ARHGEF40: variants seen among roughly 807,000 people sequenced by gnomAD.
ARHGEF40 encodes Rho guanine nucleotide exchange factor 40.
A neutral mutation model predicts 165.9 loss-of-function variants in ARHGEF40; 98 were observed. The ratio of observed to expected loss-of-function variants is 0.59; its 90% confidence interval spans 0.50 to 0.70. The LOEUF (loss-of-function observed/expected upper bound fraction) is 0.70, where lower values mean the gene tolerates loss of function less well. Ranked by LOEUF, ARHGEF40 falls within the 30% of genes least tolerant of loss-of-function variation. The pLI is 0.00. For synonymous variants in ARHGEF40, 792 were observed against 814.3 expected, an observed-to-expected ratio of 0.97 and a Z score of 0.47; for missense variants, 1,815 against 1,968.0, an observed-to-expected ratio of 0.92 and a Z score of 1.47.
chr14:21,071,058 G>C (rs1047105624), intron 1 of ARHGEF40, among the ~76,000 whole-genome samples: 1 of 152,174 alleles, frequency 6.6e-6, no homozygotes, highest in African/African-American at 2.4e-5. Flanking sequence ...AGTTTGCGGA[G>C]GAGGAAAGTG....
At chr14:21,071,406 C>G (rs546187551) in intron 1 of ARHGEF40, among the ~76,000 whole-genome samples, 1 of 152,172 alleles carries the variant, frequency 6.6e-6, no homozygotes, top group East Asian at 1.9e-4. Flanking sequence ...GAGCTCACCG[C>G]AGGGAGTGGA....
At chr14:21,084,972 C>T in intron 18 of ARHGEF40, 49 bp downstream of exon 18, 1 of 1,587,064 alleles carries the variant, frequency 6.3e-7, no homozygotes, top group East Asian at 2.2e-5. Context: ...TCATTCTCTT[C>T]TTGAGAACTC....
chr14:21,089,013 G>A lies in ARHGEF40; in HGVS notation c.*6-1G>A. The A allele has an allele frequency of 1.1e-6, 1 of 886,064 alleles. No individual in the cohort carries two copies. Among genetic ancestry groups the A allele is most frequent in the South Asian group, 1.8e-5 (1 of 56,846 alleles). 54.9% of individuals were successfully genotyped at this position (886,064 alleles called of 1,614,324 possible). A position where few individuals can be genotyped will look rare whatever the true frequency, so the allele number is the denominator to read the frequency against. ...TCTCCCTCTTCTCTCCTGGCTTCTA[G>A]AGAAGATCCAGAACTTGCGTGCAGC... On this transcript the variant is annotated splice_acceptor_variant, in intron 23 of 23. Transcript: ENST00000298694. LOFTEE classifies it low-confidence loss of function (3UTR_SPLICE).
upstream of ARHGEF40, among the ~76,000 whole-genome samples, chr14:21,066,320 T>G (rs10151973): frequency 1.3e-4 from 18 of 143,170 alleles, no homozygotes; most frequent in African/African-American, 4.3e-4. Context: ...GGTTGTGTTT[T>G]TTTTGTTTTT....
In ARHGEF40 at chr14:21,088,858, C is replaced by T; in HGVS notation, c.4547C>T (p.Thr1516Ile). The change falls in exon 23 of 24, where the codon ACC becomes ATC. Residue 1516 changes from threonine to isoleucine, a missense_variant. Coordinates refer to ENST00000298694, the MANE Select transcript of ARHGEF40 (RefSeq NM_018071.5). ...CATGCTCGAGCCCTGAGTGACCCCA[C>T]CACGCCTCTGTGACCTGGGTGAGTC... The part of the protein sequence containing the change: ...QSHARALSDP[T>I]TPL 6.2e-7 allele frequency: 1 copy of T among 1,613,326 alleles called. No homozygotes were observed. The highest frequency in any genetic ancestry group is 8.5e-7 in the Non-Finnish European group (1 of 1,179,462).
intron 20 of ARHGEF40, 86 bp from the exon 21 acceptor site, chr14:21,087,234 C>T: frequency 1.3e-6 from 2 of 1,578,422 alleles, no homozygotes; most frequent in African/African-American, 1.3e-5. Flanking sequence ...GGCTGGGAGG[C>T]CCTCTGTGAG....
At chr14:21,061,480 A>G in the ARHGEF40 span, among the ~76,000 whole-genome samples, 2 of 152,134 alleles carry the variant, frequency 1.3e-5, no homozygotes, top group African/African-American at 2.4e-5. Flanking sequence ...CTCTGAGGGT[A>G]ATGACACAGC....
chr14:21,062,138 A>G, the ARHGEF40 span, among the ~76,000 whole-genome samples: 865 of 152,374 alleles, frequency 5.7e-3, 4 homozygotes, highest in Non-Finnish European at 5.8e-3. Flanking sequence ...CATAGGAAAC[A>G]TAAGTGTTAA....
the ARHGEF40 span, among the ~76,000 whole-genome samples, chr14:21,063,153 A>T: frequency 6.6e-6 from 1 of 151,936 alleles, no homozygotes; most frequent in Non-Finnish European, 1.5e-5. Context: ...AAGCAAAAAC[A>T]AAAAACGGAT....
rs778461769 is a variant in ARHGEF40, at chr14:21,081,920, G to C, written c.3052G>C (p.Glu1018Gln). 6.8e-6 allele frequency: 11 copies of C among 1,612,986 alleles called. No homozygotes were observed. The South Asian group carries it at 1.2e-4, about 18-fold the overall frequency. The change falls in exon 14 of 24, where the codon GAA becomes CAA. Residue 1018 changes from glutamate to glutamine, a missense_variant. Physicochemically the swap from Glu to Gln is conservative, Grantham distance 29 (BLOSUM62 2). Coordinates refer to ENST00000298694, the MANE Select transcript of ARHGEF40 (RefSeq NM_018071.5). ...GGCCCCATGTGGAGAGGACTATGAG[G>C]AAGAGGGCCCTGAGCTGGCTCCAGA... The part of the protein sequence containing the change: ...SLAPCGEDYE[E>Q]EGPELAPEAE...
chr14:21,080,724 C>A lies in ARHGEF40; in HGVS notation c.2438C>A (p.Thr813Asn). The part of the protein sequence containing the change: ...QLASFAMPGD[T>N]LSALQETELR... The stretch of plus-strand genomic sequence containing the variant: ...GCAAGCTTTGCTATGCCTGGGGACA[C>A]CTTGTCTGCCCTGCAGGAGACAGAG... The change falls in exon 12 of 24, where the codon ACC becomes AAC. Residue 813 changes from threonine (T) to asparagine (N), a missense_variant. Coordinates refer to ENST00000298694, the MANE Select transcript of ARHGEF40 (RefSeq NM_018071.5). 1 of 1,612,086 alleles carries A rather than the reference C, an allele frequency of 6.2e-7. No homozygotes were observed. Among genetic ancestry groups the A allele is most frequent in the Non-Finnish European group, 8.5e-7 (1 of 1,179,028 alleles).
At position 21,074,083 on chromosome 14, in the gene ARHGEF40, G is replaced by C; in HGVS notation, c.353G>C (p.Arg118Pro). 3.1e-6 allele frequency: 5 copies of C among 1,614,098 alleles called. No homozygotes were observed. The highest frequency in any genetic ancestry group is 4.2e-6 in the Non-Finnish European group (5 of 1,180,018). The change falls in exon 3 of 24, where the codon CGA (arginine) becomes CCA (proline). Residue 118 changes from arginine (R) to proline (P), a missense_variant. Arg to Pro is a moderately radical substitution (Grantham distance 103). Transcript: ENST00000298694. This position sits in a 1 kb window ranked among gnomAD's most constrained non-coding sequence, Gnocchi z 4.8. ...QVVPSAAQAPRLALKCLAPGG... is the reference protein window; with the variant it reads ...QVVPSAAQAPPLALKCLAPGG... The stretch of plus-strand genomic sequence containing the variant: ...GTGCCCTCAGCTGCCCAAGCACCCC[G>C]ACTAGCACTCAAGTGTCTGGCCCCT...
At chr14:21,083,313 G>A (rs1275752551) in intron 16 of ARHGEF40, among the ~76,000 whole-genome samples, 2 of 151,980 alleles carry the variant, frequency 1.3e-5, no homozygotes, top group Non-Finnish European at 2.9e-5. Flanking sequence ...AGGCCGAGGC[G>A]GGTGGATCAC....
chr14:21,089,251 G>T lies in ARHGEF40; in HGVS notation c.*243G>T. The T allele has an allele frequency of 5.1e-6, 1 of 196,966 alleles. No homozygotes were observed. The highest frequency in any genetic ancestry group is 1.0e-5 in the Non-Finnish European group (1 of 96,986). The allele number at this position is 196,966 out of a possible 1,614,324, so 12.2% of individuals were successfully genotyped here. On this transcript the variant is annotated 3_prime_UTR_variant, in exon 24 of 24. Coordinates refer to ENST00000298694, the MANE Select transcript of ARHGEF40 (RefSeq NM_018071.5). ...TTGCTTGCCTTCATACCCTGGAGGT[G>T]GGGAAGTTATCCCTCTTCCGGTGCT...
At position 21,090,045 on chromosome 14, in the gene ARHGEF40, G is replaced by A; in HGVS notation, c.*1037G>A. ...CTGACAGAAGGACCCAAAGAGGGAAGCAGGACATAGGTAGGCAGACAGACA... is the reference window on the plus strand; with the variant it reads ...CTGACAGAAGGACCCAAAGAGGGAAACAGGACATAGGTAGGCAGACAGACA... On this transcript the variant is annotated 3_prime_UTR_variant, in exon 24 of 24. Transcript: ENST00000298694. The surrounding 1 kb of genome is among the most constrained non-coding windows in gnomAD (Gnocchi z 4.4). The A allele has an allele frequency of 3.7e-6, 1 of 273,798 alleles. No homozygotes were observed. Among genetic ancestry groups the A allele is most frequent in the Admixed American group, 4.4e-5 (1 of 22,658 alleles). 17.0% of individuals were successfully genotyped at this position (273,798 alleles called of 1,614,324 possible). A position where few individuals can be genotyped will look rare whatever the true frequency, so the allele number is the denominator to read the frequency against.
intron 5 of ARHGEF40, 121 bp from the exon 6 acceptor site, chr14:21,076,239 G>C (rs549332498): frequency 1.2e-5 from 10 of 811,446 alleles, no homozygotes; most frequent in Non-Finnish European, 2.0e-5. Flanking sequence ...CAAATGTACC[G>C]GCAACTAATT....
intron 18 of ARHGEF40, 84 bp from the exon 19 acceptor site, chr14:21,085,605 C>G: frequency 1.3e-6 from 2 of 1,489,226 alleles, no homozygotes; most frequent in South Asian, 2.5e-5. Flanking sequence ...TATCAGATGC[C>G]AGGCGAAGCC....
Position 21,072,189 on chromosome 14 carries a change from G to A in ARHGEF40, c.4-856G>A, listed in dbSNP as rs1283426031. On this transcript the variant is annotated intron_variant, in intron 1 of 23. Transcript: ENST00000298694. This position sits in a 1 kb window ranked among gnomAD's most constrained non-coding sequence, Gnocchi z 4.1. ...GAAAGACGTCTCATTGACTCACTTAGGGAGGGGAGTCTGGATGAAGCAGGG... is the reference window on the plus strand; with the variant it reads ...GAAAGACGTCTCATTGACTCACTTAAGGAGGGGAGTCTGGATGAAGCAGGG... 6.6e-6 allele frequency among the ~76,000 whole-genome samples: 1 copy of A among 152,164 alleles called. No individual in the cohort carries two copies. Among genetic ancestry groups the A allele is most frequent in the East Asian group, 1.9e-4 (1 of 5,200 alleles).
intron 11 of ARHGEF40, 89 bp from the exon 12 acceptor site, chr14:21,080,571 G>A: frequency 6.9e-7 from 1 of 1,441,320 alleles, no homozygotes; most frequent in Non-Finnish European, 9.4e-7. Flanking sequence ...AAGTTCTATA[G>A]ATTGGGGTGG....
Sources: allele counts gnomAD v4.1 joint callset (sites outside exome capture counted in the v4.1 genomes callset), GRCh38; gene constraint gnomAD v4.1.1; non-coding constraint Gnocchi (gnomAD v3.1); transcripts MANE v1.5; gene names NCBI Gene and HGNC (gene_info 2026-07-23, HGNC 2026-07-21).